The following CDC42SE2 variants were observed in gnomAD, a reference collection of about 807,000 sequenced individuals.
CDC42SE2 encodes CDC42 small effector protein 2.
In CDC42SE2, 3 loss-of-function variants were observed where a neutral mutation model predicts 11.5. That is an observed-to-expected ratio of 0.26 (90% CI 0.12 to 0.67). The LOEUF (loss-of-function observed/expected upper bound fraction) is 0.67. CDC42SE2 is among the 30% of genes least tolerant of loss of function. The pLI, the probability that CDC42SE2 is intolerant of heterozygous loss-of-function variation, is 0.80. For synonymous variants in CDC42SE2, 33 were observed against 34.8 expected, an observed-to-expected ratio of 0.95 and a Z score of 0.18; for missense variants, 82 against 106.8, an observed-to-expected ratio of 0.77 and a Z score of 1.02.
intron 1 of CDC42SE2, among the ~76,000 whole-genome samples, chr5:131,292,794 C>G (rs547985192): frequency 1.9e-4 from 29 of 150,346 alleles, no homozygotes; most frequent in Middle Eastern, 3.5e-3. Flanking sequence ...CACCTGTAGT[C>G]CCAGCTCCTT....
At chr5:131,258,038 C>T (rs1232175470) in intron 2 of CDC42SE2, among the ~76,000 whole-genome samples, 2 of 152,090 alleles carry the variant, frequency 1.3e-5, no homozygotes, top group Admixed American at 6.6e-5. Flanking sequence ...GAGTCCACTC[C>T]CTCTTGTTAT....
chr5:131,388,433 G>A (rs1005820284), intron 4 of CDC42SE2, among the ~76,000 whole-genome samples: 9 of 152,170 alleles, frequency 5.9e-5, no homozygotes, highest in Non-Finnish European at 1.2e-4. Context: ...TCAAATAAAA[G>A]AACTGAGCAG....
At chr5:131,232,205 C>T in the CDC42SE2 span, among the ~76,000 whole-genome samples, 1 of 152,058 alleles carries the variant, frequency 6.6e-6, no homozygotes, top group Admixed American at 6.6e-5. Context: ...CCTTGACTTC[C>T]CGAACTCAGG....
chr5:131,391,148 CA>C lies in CDC42SE2; in HGVS notation c.*58del. The C allele has an allele frequency of 2.5e-6, 3 of 1,177,044 alleles. No individual in the cohort carries two copies. The highest frequency in any genetic ancestry group is 1.3e-5 in the South Asian group (1 of 77,128). The allele number at this position is 1,177,044 out of a possible 1,614,324, so 72.9% of individuals were successfully genotyped here. ...CTGGGGTCTGGACCTGACGGCCAGA[CA>C]TGGCCAGGCCAATAATAGTAAATAT... On this transcript the variant is annotated 3_prime_UTR_variant, in exon 5 of 5. Coordinates refer to ENST00000505065, the MANE Select transcript of CDC42SE2 (RefSeq NM_001375635.1).
At chr5:131,254,275 C>T (rs1019870851) in intron 1 of CDC42SE2, among the ~76,000 whole-genome samples, 2 of 152,128 alleles carry the variant, frequency 1.3e-5, no homozygotes, top group African/African-American at 4.8e-5. Flanking sequence ...GGCACGGTGG[C>T]TCACTCTTGT....
intron 2 of CDC42SE2, among the ~76,000 whole-genome samples, chr5:131,332,951 G>C (rs1447633853): frequency 6.6e-6 from 1 of 152,024 alleles, no homozygotes; most frequent in Non-Finnish European, 1.5e-5. Flanking sequence ...TTCTTTTGCT[G>C]TGCAGAAGCT....
At chr5:131,300,325 G>C (rs1384072668) in intron 1 of CDC42SE2, among the ~76,000 whole-genome samples, 1 of 152,080 alleles carries the variant, frequency 6.6e-6, no homozygotes, top group Non-Finnish European at 1.5e-5. Flanking sequence ...TTGGAAAAGG[G>C]GGACAGTGAG....
At chr5:131,356,246 G>T (rs1186785617) in intron 2 of CDC42SE2, among the ~76,000 whole-genome samples, 1 of 152,152 alleles carries the variant, frequency 6.6e-6, no homozygotes, top group Non-Finnish European at 1.5e-5. Flanking sequence ...GTTATCTAAA[G>T]ATTTCAAAAA....
At chr5:131,390,004 G>T (rs1362982205) in intron 4 of CDC42SE2, among the ~76,000 whole-genome samples, 1 of 152,198 alleles carries the variant, frequency 6.6e-6, no homozygotes, top group Non-Finnish European at 1.5e-5. Flanking sequence ...ATGACTTTAT[G>T]TGCCTTTGTT....
chr5:131,281,142 G>A (rs1249382072), intron 1 of CDC42SE2, among the ~76,000 whole-genome samples: 1 of 152,214 alleles, frequency 6.6e-6, no homozygotes, highest in Non-Finnish European at 1.5e-5. Flanking sequence ...CTGGGGTAGA[G>A]TAGACCGCTG....
intron 1 of CDC42SE2, among the ~76,000 whole-genome samples, chr5:131,300,187 G>T (rs1233815518): frequency 6.6e-6 from 1 of 152,088 alleles, no homozygotes; most frequent in Admixed American, 6.6e-5. Context: ...ATGGGAATTT[G>T]AGAAAAATAA....
intron 1 of CDC42SE2, among the ~76,000 whole-genome samples, chr5:131,297,286 C>A (rs1237064004): frequency 6.6e-6 from 1 of 151,324 alleles, no homozygotes. Context: ...TTCCATTCTT[C>A]TCCATTGTTT....
intron 1 of CDC42SE2, among the ~76,000 whole-genome samples, chr5:131,298,993 A>G (rs534248897): frequency 6.6e-6 from 1 of 152,318 alleles, no homozygotes; most frequent in African/African-American, 2.4e-5. Flanking sequence ...AATGATAGCC[A>G]TATCAAGTTC....
At chr5:131,295,782 A>G (rs1344754365) in intron 1 of CDC42SE2, among the ~76,000 whole-genome samples, 4 of 151,412 alleles carry the variant, frequency 2.6e-5, no homozygotes, top group East Asian at 3.9e-4. Context: ...TCCCGGGTTC[A>G]CGCCATTCTC....
At chr5:131,336,402 C>T (rs1758563297) in intron 2 of CDC42SE2, among the ~76,000 whole-genome samples, 1 of 152,192 alleles carries the variant, frequency 6.6e-6, no homozygotes, top group African/African-American at 2.4e-5. Flanking sequence ...CTGCCCTTAA[C>T]ATTTTTTCCT....
chr5:131,351,762 G>T (rs1759018220), intron 2 of CDC42SE2, among the ~76,000 whole-genome samples: 1 of 152,130 alleles, frequency 6.6e-6, no homozygotes, highest in Non-Finnish European at 1.5e-5. Context: ...TTGCAACTTT[G>T]GGATATGTGA....
the CDC42SE2 span, among the ~76,000 whole-genome samples, chr5:131,223,054 T>C: frequency 6.6e-6 from 1 of 152,234 alleles, no homozygotes; most frequent in African/African-American, 2.4e-5. Flanking sequence ...CTTTCTCCCC[T>C]ACTTCCAAGC....
chr5:131,334,174 G>T (rs536366222), intron 2 of CDC42SE2, among the ~76,000 whole-genome samples: 215 of 152,266 alleles, frequency 1.4e-3, no homozygotes, highest in Middle Eastern at 0.014. Flanking sequence ...TTAGCATGAA[G>T]GGTTGTTGAA....
chr5:131,325,033 A>G (rs1164621757), intron 2 of CDC42SE2, among the ~76,000 whole-genome samples: 2 of 152,194 alleles, frequency 1.3e-5, no homozygotes, highest in African/African-American at 4.8e-5. Flanking sequence ...ATACTGTGAC[A>G]ATGGCTACAT....
Sources: gnomAD v4.1 joint callset for allele counts (sites outside exome capture counted in the v4.1 genomes callset) on GRCh38, gnomAD v4.1.1 for gene constraint, MANE v1.5 for transcripts, NCBI Gene and HGNC (gene_info 2026-07-23, HGNC 2026-07-21) for gene names.